The following NKAIN2 variants were observed in gnomAD, a reference collection of about 807,000 sequenced individuals.
NKAIN2 encodes sodium/potassium transporting ATPase interacting 2, also known as sodium/potassium-transporting ATPase subunit beta-1-interacting protein 2.
NKAIN2 carries 14 observed loss-of-function variants against 32.6 expected under a neutral mutation model. The ratio of observed to expected loss-of-function variants is 0.43; its 90% CI spans 0.28 to 0.67. The LOEUF (loss-of-function observed/expected upper bound fraction) is 0.67, where lower values mean the gene tolerates loss of function less well. Among genes scored for constraint, NKAIN2 ranks in the 30% least tolerant of loss-of-function variants. The pLI, the probability that NKAIN2 is intolerant of heterozygous loss-of-function variation, is 0.17. For missense variants in NKAIN2, 198 were observed against 258.3 expected (o/e 0.77, Z 1.60); for synonymous variants, 80 against 87.2 (o/e 0.92, Z 0.46).
rs1286886887 is a variant in NKAIN2, at chr6:124,455,967, T to A, written c.273+100620T>A. Among the ~76,000 whole-genome samples the A allele has an allele frequency of 3.9e-5, 6 of 152,006 alleles. No homozygotes were observed. In the East Asian group the frequency reaches 1.2e-3, roughly 30 times the overall value. ...TGTAGTGACTTCCCACAGGAGTCACTATTTTTTTCAGTGAAGTGCAGCATG... is the reference window on the plus strand; with the variant it reads ...TGTAGTGACTTCCCACAGGAGTCACAATTTTTTTCAGTGAAGTGCAGCATG... On this transcript the variant is annotated intron_variant, in intron 3 of 6. Coordinates refer to ENST00000368417, the MANE Select transcript of NKAIN2 (RefSeq NM_001040214.3).
intron 1 of NKAIN2, among the ~76,000 whole-genome samples, chr6:124,204,359 G>A (rs1270682392): frequency 6.6e-6 from 1 of 151,616 alleles, no homozygotes; most frequent in Admixed American, 6.6e-5. Context: ...TTACCTATGG[G>A]ACCAGTAAAT....
intron 1 of NKAIN2, among the ~76,000 whole-genome samples, chr6:123,822,661 G>T (rs1773974815): frequency 6.6e-6 from 1 of 152,106 alleles, no homozygotes; most frequent in Non-Finnish European, 1.5e-5. Flanking sequence ...GGTGTAGTGG[G>T]GGTTGTGAAA....
intron 6 of NKAIN2, among the ~76,000 whole-genome samples, chr6:124,822,726 C>T (rs1781441162): frequency 6.6e-6 from 1 of 151,986 alleles, no homozygotes; most frequent in Non-Finnish European, 1.5e-5. Flanking sequence ...AACAAAGTTG[C>T]TGCACAAAAA....
intron 1 of NKAIN2, among the ~76,000 whole-genome samples, chr6:123,873,072 T>C (rs1333090614): frequency 2.0e-5 from 3 of 152,188 alleles, no homozygotes; most frequent in African/African-American, 7.2e-5. Flanking sequence ...ACATAAATTC[T>C]AGTGGGTTGA....
chr6:124,123,934 T>C (rs140669529), intron 1 of NKAIN2, among the ~76,000 whole-genome samples: 156 of 152,254 alleles, frequency 1.0e-3, no homozygotes, highest in African/African-American at 3.7e-3. Context: ...AATTGGATTG[T>C]CCAGTTGTTA....
chr6:123,926,839 T>C (rs534812126), intron 1 of NKAIN2, among the ~76,000 whole-genome samples: 6 of 152,312 alleles, frequency 3.9e-5, no homozygotes, highest in African/African-American at 1.2e-4. Flanking sequence ...TTAAAGTCCT[T>C]CATAACCTGA....
At chr6:124,734,109 C>G (rs1342999779) in intron 4 of NKAIN2, among the ~76,000 whole-genome samples, 1 of 146,142 alleles carries the variant, frequency 6.8e-6, no homozygotes, top group Non-Finnish European at 1.5e-5. Flanking sequence ...GGGGGTATGT[C>G]AAAACAAAAA....
intron 5 of NKAIN2, among the ~76,000 whole-genome samples, chr6:124,804,166 A>G (rs1028459715): frequency 6.6e-6 from 1 of 152,208 alleles, no homozygotes; most frequent in Non-Finnish European, 1.5e-5. Flanking sequence ...AAGTAGTGGC[A>G]TTATGATATA....
chr6:124,806,453 AC>A (rs888490761), intron 5 of NKAIN2, among the ~76,000 whole-genome samples: 39 of 152,090 alleles, frequency 2.6e-4, no homozygotes, highest in African/African-American at 9.4e-4. Context: ...AGATTTTGTC[AC>A]CACCAGGCCT....
At chr6:123,847,427 G>T (rs1300092940) in intron 1 of NKAIN2, among the ~76,000 whole-genome samples, 2 of 152,282 alleles carry the variant, frequency 1.3e-5, no homozygotes, top group Non-Finnish European at 2.9e-5. Context: ...AAACCAAGTG[G>T]CATGTATCCC....
intron 1 of NKAIN2, among the ~76,000 whole-genome samples, chr6:123,855,878 G>C (rs1325319052): frequency 6.6e-6 from 1 of 152,164 alleles, no homozygotes; most frequent in Non-Finnish European, 1.5e-5. Context: ...AGGAATACTA[G>C]GTTGGCCTTA....
intron 3 of NKAIN2, among the ~76,000 whole-genome samples, chr6:124,457,872 T>C (rs1776383202): frequency 1.3e-5 from 2 of 151,978 alleles, no homozygotes; most frequent in Admixed American, 1.3e-4. Context: ...ATTTATTTCT[T>C]AGTTTTAGAG....
rs567689189 is a variant in NKAIN2, at chr6:124,411,135, A to G, written c.273+55788A>G. On this transcript the variant is annotated intron_variant, in intron 3 of 6. Coordinates refer to ENST00000368417, the MANE Select transcript of NKAIN2 (RefSeq NM_001040214.3). ...ACTGATGGGTCTTGACTCTTTATCC[A>G]GTTTGCCAGTCTGTGCCTTTTAATT... is the stretch of plus-strand genomic sequence containing the variant. 1.9e-4 allele frequency among the ~76,000 whole-genome samples: 29 copies of G among 152,192 alleles called. No homozygotes were observed. In the South Asian group the frequency reaches 6.0e-3, roughly 32 times the overall value.
chr6:124,146,283 G>T (rs978235933), intron 1 of NKAIN2, among the ~76,000 whole-genome samples: 2 of 151,252 alleles, frequency 1.3e-5, no homozygotes, highest in Admixed American at 1.3e-4. Context: ...AAAATGTACA[G>T]TTTTCTTTTC....
chr6:124,199,390 T>C (rs1420459961), intron 1 of NKAIN2, among the ~76,000 whole-genome samples: 1 of 152,180 alleles, frequency 6.6e-6, no homozygotes, highest in East Asian at 1.9e-4. Flanking sequence ...ATTTCTCCTC[T>C]GGAATGCACA....
In NKAIN2 at chr6:123,831,513, A is replaced by AT. The variant is rs199518164; in HGVS notation, c.54+27264dup. ...TTGTGTTGTTGTTGTTAATTTAATT[A>AT]TTTTTATTAAAGACTTTATTTTTTA... is the stretch of plus-strand genomic sequence containing the variant. On this transcript the variant is annotated intron_variant, in intron 1 of 6. Transcript: ENST00000368417. Among the ~76,000 whole-genome samples the AT allele has an allele frequency of 3.8e-4, 56 of 146,936 alleles. No individual in the cohort carries two copies. The East Asian group carries it at 0.011, about 30-fold the overall frequency.
At chr6:124,099,221 GC>G (rs1444557028) in intron 1 of NKAIN2, among the ~76,000 whole-genome samples, 4 of 152,230 alleles carry the variant, frequency 2.6e-5, no homozygotes, top group African/African-American at 9.6e-5. Flanking sequence ...TATATGGCAT[GC>G]CCTTTAGAGA....
chr6:124,820,031 T>C (rs1781327231), intron 6 of NKAIN2, among the ~76,000 whole-genome samples: 1 of 152,220 alleles, frequency 6.6e-6, no homozygotes, highest in South Asian at 2.1e-4. Flanking sequence ...ATATATTCCT[T>C]TATGAAACAT....
At chr6:123,911,118 A>G (rs1775156646) in intron 1 of NKAIN2, among the ~76,000 whole-genome samples, 1 of 152,138 alleles carries the variant, frequency 6.6e-6, no homozygotes, top group Non-Finnish European at 1.5e-5. Context: ...ACATTTTCAT[A>G]TCTACCTCTA....
Sources: gnomAD v4.1 joint callset for allele counts (sites outside exome capture counted in the v4.1 genomes callset) on GRCh38, gnomAD v4.1.1 for gene constraint, MANE v1.5 for transcripts, NCBI Gene and HGNC (gene_info 2026-07-23, HGNC 2026-07-21) for gene names.